Variants in TANC2 observed in about 807,000 individuals in gnomAD.
TANC2 encodes tetratricopeptide repeat, ankyrin repeat and coiled-coil containing 2.
Under a neutral mutation model 210.5 loss-of-function variants are expected in TANC2, and 26 were observed. That is an observed-to-expected ratio of 0.12 (90% CI 0.09 to 0.17). The LOEUF (loss-of-function observed/expected upper bound fraction) is 0.17. TANC2 is among the 10% of genes least tolerant of loss of function. The pLI, the probability that TANC2 is intolerant of heterozygous loss-of-function variation, is 1.00. For missense variants in TANC2, 2,129 were observed against 2,608.9 expected, an observed-to-expected ratio of 0.82 and a Z score of 4.01; for synonymous variants, 931 against 967.1, an observed-to-expected ratio of 0.96 and a Z score of 0.69.
chr17:63,019,300 C>G (rs1257693799), intron 2 of TANC2, among the ~76,000 whole-genome samples: 2 of 152,106 alleles, frequency 1.3e-5, no homozygotes, highest in African/African-American at 4.8e-5. Flanking sequence ...TCACTGCAAC[C>G]TCTGCCTCCT....
chr17:63,350,291 G>A (rs1398407034), intron 12 of TANC2, among the ~76,000 whole-genome samples: 1 of 152,116 alleles, frequency 6.6e-6, no homozygotes, highest in Non-Finnish European at 1.5e-5. Flanking sequence ...TCTGATGACT[G>A]CTTGCCCTCT....
intron 3 of TANC2, among the ~76,000 whole-genome samples, chr17:63,090,057 A>G (rs1313444102): frequency 1.3e-5 from 2 of 151,814 alleles, no homozygotes; most frequent in African/African-American, 4.8e-5. Flanking sequence ...TTCCATAAAA[A>G]GTTCCCTCAT....
At chr17:63,329,077 T>G (rs994572439) in intron 11 of TANC2, among the ~76,000 whole-genome samples, 2 of 152,140 alleles carry the variant, frequency 1.3e-5, no homozygotes, top group African/African-American at 2.4e-5. Context: ...AGAGGCAGAT[T>G]TGGGAGTCTA....
At chr17:63,087,064 A>G (rs1002740836) in intron 3 of TANC2, among the ~76,000 whole-genome samples, 2 of 152,104 alleles carry the variant, frequency 1.3e-5, no homozygotes, top group East Asian at 1.9e-4. Flanking sequence ...GCAGCTGGTC[A>G]CTCTTGGTTC....
At chr17:63,285,332 T>A (rs1344823041) in intron 9 of TANC2, among the ~76,000 whole-genome samples, 1 of 152,184 alleles carries the variant, frequency 6.6e-6, no homozygotes. Flanking sequence ...ACATTTTGAT[T>A]ATTTGTATAT....
At chr17:63,185,175 T>A (rs1041850246) in intron 5 of TANC2, among the ~76,000 whole-genome samples, 1 of 151,916 alleles carries the variant, frequency 6.6e-6, no homozygotes, top group Non-Finnish European at 1.5e-5. Flanking sequence ...TTTAAAAAAA[T>A]GTTTTTTTGG....
At chr17:63,134,465 A>G (rs574170942) in intron 4 of TANC2, among the ~76,000 whole-genome samples, 2 of 152,358 alleles carry the variant, frequency 1.3e-5, no homozygotes, top group East Asian at 3.9e-4. Context: ...AGATGTATAC[A>G]GAGCATCTGT....
At chr17:62,984,270 C>T (rs776438667) in intron 1 of TANC2, among the ~76,000 whole-genome samples, 3 of 152,010 alleles carry the variant, frequency 2.0e-5, no homozygotes, top group African/African-American at 7.2e-5. Flanking sequence ...GACATATATT[C>T]ATAGTAGTCT....
intron 5 of TANC2, among the ~76,000 whole-genome samples, chr17:63,163,797 C>G (rs2040110119): frequency 6.6e-6 from 1 of 152,158 alleles, no homozygotes; most frequent in South Asian, 2.1e-4. Flanking sequence ...TTCCCTGGAT[C>G]CTAGTTTAGG....
Position 63,412,569 on chromosome 17 carries a change from G to A in TANC2, c.3899-111G>A. 9.5e-7 allele frequency: 1 copy of A among 1,047,646 alleles called. No individual in the cohort carries two copies. Among genetic ancestry groups the A allele is most frequent in the Non-Finnish European group, 1.4e-6 (1 of 711,922 alleles). The allele number at this position is 1,047,646 out of a possible 1,614,324, so 64.9% of individuals were successfully genotyped here. On this transcript the variant is annotated intron_variant, in intron 23 of 27. Coordinates refer to ENST00000689528, the Ensembl canonical transcript of TANC2. This position sits in a 1 kb window ranked among gnomAD's most constrained non-coding sequence, Gnocchi z 4.2. Reference sequence around the variant, plus strand: ...TAGACGAGGGTTGGCTGATATGCTGGCTTTGTGCTGCCTGCCTCTCACTGC... The same window carrying A: ...TAGACGAGGGTTGGCTGATATGCTGACTTTGTGCTGCCTGCCTCTCACTGC...
intron 3 of TANC2, among the ~76,000 whole-genome samples, chr17:63,093,544 G>A (rs1467115006): frequency 1.3e-5 from 2 of 152,072 alleles, no homozygotes; most frequent in Non-Finnish European, 2.9e-5. Flanking sequence ...ATTATATACT[G>A]TTTGGACTCC....
At chr17:63,126,447 G>C (rs190474417) in intron 4 of TANC2, among the ~76,000 whole-genome samples, 80 of 152,106 alleles carry the variant, frequency 5.3e-4, no homozygotes, top group African/African-American at 1.9e-3. Context: ...TTCTTCTGTC[G>C]CCCAGGCTGG....
chr17:63,189,502 G>T (rs2041115030), intron 5 of TANC2, among the ~76,000 whole-genome samples: 1 of 152,088 alleles, frequency 6.6e-6, no homozygotes, highest in South Asian at 2.1e-4. Flanking sequence ...TTCCCTTAAT[G>T]ACTAATTATG....
At chr17:63,018,610 T>C (rs2034216824) in intron 2 of TANC2, among the ~76,000 whole-genome samples, 1 of 152,206 alleles carries the variant, frequency 6.6e-6, no homozygotes, top group South Asian at 2.1e-4. Flanking sequence ...TAGTATAATA[T>C]CACAATCAGG....
At chr17:63,217,698 G>A (rs2145908747) in intron 7 of TANC2, among the ~76,000 whole-genome samples, 1 of 152,116 alleles carries the variant, frequency 6.6e-6, no homozygotes, top group East Asian at 1.9e-4. Flanking sequence ...ACTCCTCCAG[G>A]AAGTTAAAGA....
At chr17:63,022,340 CAA>C (rs71155967) in intron 2 of TANC2, among the ~76,000 whole-genome samples, 9 of 138,046 alleles carry the variant, frequency 6.5e-5, no homozygotes, top group Non-Finnish European at 9.3e-5. Flanking sequence ...AACTCCATCT[CAA>C]AAAAAAAAAA....
chr17:63,243,745 A>G (rs533362146), intron 8 of TANC2, among the ~76,000 whole-genome samples: 1 of 152,342 alleles, frequency 6.6e-6, no homozygotes, highest in East Asian at 1.9e-4. Flanking sequence ...ATTTATACTC[A>G]TGAGAAGACT....
chr17:63,184,144 C>T (rs897789030), intron 5 of TANC2, among the ~76,000 whole-genome samples: 1 of 152,060 alleles, frequency 6.6e-6, no homozygotes. Flanking sequence ...TCCTTGAAAT[C>T]TCTTGATTTC....
At chr17:63,313,388 G>A (rs2045196208) in intron 9 of TANC2, 1 of 152,096 alleles carries the variant, frequency 6.6e-6, no homozygotes, top group South Asian at 2.1e-4. Flanking sequence ...CCCAGATATG[G>A]ACCATCAGGC....
Sources: allele counts gnomAD v4.1 joint callset (sites outside exome capture counted in the v4.1 genomes callset), GRCh38; gene constraint gnomAD v4.1.1; non-coding constraint Gnocchi (gnomAD v3.1); transcripts MANE v1.5; gene names NCBI Gene and HGNC (gene_info 2026-07-23, HGNC 2026-07-21).